Variants in CHST3 observed in about 807,000 individuals in gnomAD.
CHST3 encodes the protein C6ST-1.
A neutral mutation model predicts 35.4 loss-of-function variants in CHST3; 20 were observed. That is an observed-to-expected ratio of 0.57 (90% CI 0.40 to 0.82). CHST3 has a LOEUF of 0.82. CHST3 is among the 40% of genes least tolerant of loss of function. The pLI is 0.00. For synonymous variants in CHST3, 334 were observed against 295.9 expected, an observed-to-expected ratio of 1.13 and a Z score of -1.32; for missense variants, 693 against 670.1, an observed-to-expected ratio of 1.03 and a Z score of -0.38.
intron 1 of CHST3, among the ~76,000 whole-genome samples, chr10:71,970,452 G>T (rs1275623388): frequency 6.6e-6 from 1 of 152,170 alleles, no homozygotes; most frequent in Non-Finnish European, 1.5e-5. Flanking sequence ...GCCAGCCCGG[G>T]ATGTTCTTAT....
chr10:71,983,074 C>T (rs1234425822), intron 1 of CHST3, among the ~76,000 whole-genome samples: 1 of 152,106 alleles, frequency 6.6e-6, no homozygotes, highest in African/African-American at 2.4e-5. Context: ...CAGGGGGAGG[C>T]CCCAGGAAGG....
intron 1 of CHST3, among the ~76,000 whole-genome samples, chr10:71,971,970 C>T (rs1398673678): frequency 6.6e-6 from 1 of 152,178 alleles, no homozygotes; most frequent in African/African-American, 2.4e-5. Context: ...TGCTATTTCT[C>T]TTTCACTTTT....
rs1274677067 is a variant in CHST3, at chr10:72,011,285, T to TAGCA, written c.*2814_*2815insAGCA. 1 of 152,300 alleles carries TAGCA rather than the reference T, an allele frequency of 6.6e-6. No individual in the cohort carries two copies. Among genetic ancestry groups the TAGCA allele is most frequent in the East Asian group, 1.9e-4 (1 of 5,168 alleles). The allele number at this position is 152,300 out of a possible 1,614,324, so 9.4% of individuals were successfully genotyped here. A position where few individuals can be genotyped will look rare whatever the true frequency, so the allele number is the denominator to read the frequency against. ...GATGCTACATCAGGGCCCTTGCTGC[T>TAGCA]GTATTACCTCTGCCCGGGTGTTTGA... On this transcript the variant is annotated 3_prime_UTR_variant, in exon 3 of 3. Transcript: ENST00000373115.
chr10:71,980,968 A>G (rs1300683073), intron 1 of CHST3, among the ~76,000 whole-genome samples: 1 of 152,220 alleles, frequency 6.6e-6, no homozygotes, highest in Non-Finnish European at 1.5e-5. Context: ...CCCTAGTTGA[A>G]TTCCCTGCCT....
At chr10:71,995,459 C>CA (rs1329933851) in intron 1 of CHST3, among the ~76,000 whole-genome samples, 1 of 151,722 alleles carries the variant, frequency 6.6e-6, no homozygotes, top group Non-Finnish European at 1.5e-5. Flanking sequence ...CTTTCGCACT[C>CA]ACAGCTTGGC....
At chr10:71,990,252 G>A (rs1338757887) in intron 1 of CHST3, among the ~76,000 whole-genome samples, 1 of 152,176 alleles carries the variant, frequency 6.6e-6, no homozygotes, top group African/African-American at 2.4e-5. Flanking sequence ...CAAAATCAAG[G>A]AGCCAGCAGA....
Position 72,007,659 on chromosome 10 carries a change from C to T in CHST3, c.628C>T (p.Leu210=), listed in dbSNP as rs754380752. 6.2e-7 allele frequency: 1 copy of T among 1,609,492 alleles called. No individual in the cohort carries two copies. The highest frequency in any genetic ancestry group is 1.1e-5 in the South Asian group (1 of 90,878). ...CGTGCTGGAGCACTTCATCACGCCG[C>T]TGCCCGAGGACCACCTGACTCAGTT... The part of the protein sequence containing the change: ...LYVLEHFITP[L]PEDHLTQFMF... The change falls in exon 3 of 3, where the codon CTG becomes TTG. Residue 210 remains leucine (L), a synonymous_variant. Coordinates refer to ENST00000373115, the MANE Select transcript of CHST3 (RefSeq NM_004273.5).
chr10:71,967,333 A>C (rs898851098), intron 1 of CHST3, among the ~76,000 whole-genome samples: 2 of 151,980 alleles, frequency 1.3e-5, no homozygotes, highest in Non-Finnish European at 2.9e-5. Context: ...CACTGTCTCC[A>C]CCCTCAAGTA....
rs1477639697 is a variant in CHST3, at chr10:72,011,141, T to C, written c.*2670T>C. 6.6e-6 allele frequency: 1 copy of C among 152,200 alleles called. No homozygotes were observed. Among genetic ancestry groups the C allele is most frequent in the Admixed American group, 6.5e-5 (1 of 15,268 alleles). The allele number at this position is 152,200 out of a possible 1,614,324, so 9.4% of individuals were successfully genotyped here. ...ACCATTCACACACTCCGTTCATGCA[T>C]GGACACCAGAAGACGATTCAGAACA... On this transcript the variant is annotated 3_prime_UTR_variant, in exon 3 of 3. Coordinates refer to ENST00000373115, the MANE Select transcript of CHST3 (RefSeq NM_004273.5).
At chr10:71,971,516 C>T (rs1446035314) in intron 1 of CHST3, among the ~76,000 whole-genome samples, 1 of 152,188 alleles carries the variant, frequency 6.6e-6, no homozygotes, top group Non-Finnish European at 1.5e-5. Context: ...CACACAGCTA[C>T]CTGAGATTTA....
chr10:71,976,999 G>A (rs1839751941), intron 1 of CHST3, among the ~76,000 whole-genome samples: 1 of 152,216 alleles, frequency 6.6e-6, no homozygotes, highest in African/African-American at 2.4e-5. Context: ...TGTGTAAGCT[G>A]TGTTTAAATT....
At chr10:72,001,478 TG>T (rs1431535644) in intron 1 of CHST3, among the ~76,000 whole-genome samples, 32 of 142,848 alleles carry the variant, frequency 2.2e-4, no homozygotes, top group African/African-American at 8.8e-4. Context: ...TTTTTTGGGT[TG>T]TTTTTTTTTT....
At chr10:71,970,857 C>G (rs1388656276) in intron 1 of CHST3, among the ~76,000 whole-genome samples, 1 of 152,206 alleles carries the variant, frequency 6.6e-6, no homozygotes. Context: ...CGGGGCCTAC[C>G]TGTGAGCAAA....
chr10:71,979,652 C>T (rs983143942), intron 1 of CHST3, among the ~76,000 whole-genome samples: 2 of 152,164 alleles, frequency 1.3e-5, no homozygotes, highest in African/African-American at 2.4e-5. Flanking sequence ...GGACTCTCAG[C>T]TTTGAATTCT....
chr10:71,966,505 C>G (rs1414617790), intron 1 of CHST3, among the ~76,000 whole-genome samples: 1 of 152,196 alleles, frequency 6.6e-6, no homozygotes. Context: ...TTCCCCACCC[C>G]TGCCCCCTTG....
chr10:71,976,892 T>C (rs1839750748), intron 1 of CHST3, among the ~76,000 whole-genome samples: 1 of 152,244 alleles, frequency 6.6e-6, no homozygotes. Context: ...CAATAATACA[T>C]GTCCATGGTG....
Position 72,011,326 on chromosome 10 carries a change from C to T in CHST3, c.*2855C>T, listed in dbSNP as rs144248670. The T allele has an allele frequency of 3.5e-4, 53 of 152,318 alleles. No individual in the cohort carries two copies. The highest frequency in any genetic ancestry group is 1.1e-3 in the African/African-American group (45 of 41,546). The allele number at this position is 152,318 out of a possible 1,614,324, so 9.4% of individuals were successfully genotyped here. A position where few individuals can be genotyped will look rare whatever the true frequency, so the allele number is the denominator to read the frequency against. On this transcript the variant is annotated 3_prime_UTR_variant, in exon 3 of 3. Coordinates refer to ENST00000373115, the MANE Select transcript of CHST3 (RefSeq NM_004273.5). ...GGGTGTTTGAGACAGGTCACAAGCG[C>T]GTGGATGTTTCCTGGAAGTGTATTC... is the stretch of plus-strand genomic sequence containing the variant.
chr10:71,983,129 C>T (rs960352098), intron 1 of CHST3, among the ~76,000 whole-genome samples: 2 of 152,210 alleles, frequency 1.3e-5, no homozygotes, highest in African/African-American at 4.8e-5. Flanking sequence ...GCCAGGTTGT[C>T]CCCAGGTGGA....
Position 72,008,430 on chromosome 10 carries a change from G to A in CHST3, c.1399G>A (p.Val467Ile), listed in dbSNP as rs1474865324. ...RDAAALTNRSVSLLEERGTFW... is the reference protein window; with the variant it reads ...RDAAALTNRSISLLEERGTFW... ...CGCCGCCGCCCTCACCAACCGCTCA[G>A]TCAGCCTGCTGGAGGAGAGGGGCAC... Residue 467 changes from valine (V) to isoleucine (I), a missense_variant, in exon 3 of 3, where the codon GTC becomes ATC. Transcript: ENST00000373115. The A allele has an allele frequency of 2.5e-6, 4 of 1,571,692 alleles. No individual in the cohort carries two copies. Among genetic ancestry groups the A allele is most frequent in the Non-Finnish European group, 3.5e-6 (4 of 1,158,990 alleles).
Sources: allele counts gnomAD v4.1 joint callset (sites outside exome capture counted in the v4.1 genomes callset), GRCh38; gene constraint gnomAD v4.1.1; transcripts MANE v1.5; gene names NCBI Gene and HGNC (gene_info 2026-07-23, HGNC 2026-07-21).